Variants in CALCR observed in about 807,000 individuals in gnomAD.
The protein encoded by CALCR is calcitonin receptor.
CALCR carries 47 observed loss-of-function variants against 59.5 expected under a neutral mutation model. The ratio of observed to expected loss-of-function variants is 0.79; its 90% CI spans 0.63 to 1.01. The LOEUF (loss-of-function observed/expected upper bound fraction) is 1.01, where lower values mean the gene tolerates loss of function less well. Ranked by LOEUF, CALCR falls within the 50% of genes least tolerant of loss-of-function variation. CALCR has a pLI of 0.00. For synonymous variants in CALCR, 213 were observed against 211.3 expected (o/e 1.01, Z -0.07); for missense variants, 566 against 597.1 (o/e 0.95, Z 0.54).
At chr7:93,536,275 G>T (rs1347721128) in intron 2 of CALCR, among the ~76,000 whole-genome samples, 1 of 151,684 alleles carries the variant, frequency 6.6e-6, no homozygotes, top group Admixed American at 6.6e-5. Flanking sequence ...GGAAGTGAAT[G>T]GCATACTTTG....
At chr7:93,484,003 G>T (rs944129546) in intron 3 of CALCR, 1 of 518,882 alleles carries the variant, frequency 1.9e-6, no homozygotes, top group Non-Finnish European at 4.0e-6. Context: ...TCACACATAC[G>T]ACCACCAAGC....
intron 9 of CALCR, 70 bp downstream of exon 9, chr7:93,443,534 C>T (rs1799951659): frequency 7.0e-7 from 1 of 1,424,884 alleles, no homozygotes; most frequent in Admixed American, 1.9e-5. Flanking sequence ...GAGACCAAGA[C>T]TAGAAGAAGA....
At chr7:93,495,895 G>T in intron 2 of CALCR, 1 of 1,531,776 alleles carries the variant, frequency 6.5e-7, no homozygotes, top group Non-Finnish European at 8.7e-7. Context: ...TCCACAAATG[G>T]GCACTTGCCA....
intron 2 of CALCR, among the ~76,000 whole-genome samples, chr7:93,564,256 G>A (rs1366357877): frequency 6.6e-6 from 1 of 152,108 alleles, no homozygotes; most frequent in Non-Finnish European, 1.5e-5. Context: ...TGTGTGGGGG[G>A]GGACAGAGTG....
intron 5 of CALCR, among the ~76,000 whole-genome samples, chr7:93,476,028 T>C (rs1331048320): frequency 6.6e-6 from 1 of 151,820 alleles, no homozygotes; most frequent in Non-Finnish European, 1.5e-5. Context: ...CCCTAGAGAT[T>C]CAAATTCTAT....
chr7:93,512,915 T>C (rs1801576355), intron 2 of CALCR, among the ~76,000 whole-genome samples: 1 of 152,156 alleles, frequency 6.6e-6, no homozygotes, highest in African/African-American at 2.4e-5. Flanking sequence ...TTCCAACAAA[T>C]GATTATCGTA....
At chr7:93,468,852 A>ATTGTT in intron 6 of CALCR, 46 bp from the exon 7 acceptor site, 1 of 1,128,600 alleles carries the variant, frequency 8.9e-7, no homozygotes, top group Non-Finnish European at 1.3e-6. Context: ...TGAATGATTC[A>ATTGTT]TCAGAGAGAA....
chr7:93,479,253 C>A (rs1800738687), intron 4 of CALCR, 101 bp downstream of exon 4: 1 of 1,202,820 alleles, frequency 8.3e-7, no homozygotes, highest in South Asian at 1.6e-5. Context: ...GTGAAAACTG[C>A]TGGCATATTA....
At chr7:93,431,182 G>A (rs942525484) in intron 13 of CALCR, among the ~76,000 whole-genome samples, 5 of 152,192 alleles carry the variant, frequency 3.3e-5, no homozygotes, top group South Asian at 2.1e-4. Context: ...ATTTCCCTTC[G>A]TGGTGGGAGT....
intron 2 of CALCR, among the ~76,000 whole-genome samples, chr7:93,497,322 T>C (rs980736652): frequency 6.6e-6 from 1 of 151,694 alleles, no homozygotes; most frequent in African/African-American, 2.4e-5. Context: ...TCTTATAAAC[T>C]TAACCACTTT....
At chr7:93,539,087 A>G (rs2158044) in intron 2 of CALCR, among the ~76,000 whole-genome samples, 56,410 of 151,890 alleles carry the variant, frequency 0.37, 11,558 homozygotes, top group Non-Finnish European at 0.47. Flanking sequence ...ACATTATAAT[A>G]TGTTGATATG....
intron 2 of CALCR, among the ~76,000 whole-genome samples, chr7:93,550,790 T>A (rs1471129372): frequency 1.3e-5 from 2 of 152,192 alleles, no homozygotes; most frequent in Admixed American, 6.6e-5. Context: ...ACATGTGACC[T>A]TCTTGTTGTT....
rs535533624 is a variant in CALCR at position 93,467,836 on chromosome 7, T to C, written c.521+879A>G. On this transcript the variant is annotated intron_variant, in intron 7 of 13. Coordinates refer to ENST00000426151, the MANE Select transcript of CALCR (RefSeq NM_001742.4). ...TAATAATAATGATATCAAACACATATTTCACTTATTATGTGTCAGACATGA... is the reference window on the plus strand; with the variant it reads ...TAATAATAATGATATCAAACACATACTTCACTTATTATGTGTCAGACATGA... Among the ~76,000 whole-genome samples the C allele has an allele frequency of 5.9e-5, 9 of 151,758 alleles. No individual in the cohort carries two copies. The South Asian group carries it at 1.2e-3, about 21-fold the overall frequency.
chr7:93,556,358 T>C (rs944406838), intron 2 of CALCR, among the ~76,000 whole-genome samples: 4 of 152,300 alleles, frequency 2.6e-5, no homozygotes, highest in Non-Finnish European at 5.9e-5. Flanking sequence ...ACTGTTTGAG[T>C]TCAAATGTCT....
chr7:93,454,916 T>TTTGTGTGTG (rs1393217396), intron 8 of CALCR, among the ~76,000 whole-genome samples: 1 of 144,918 alleles, frequency 6.9e-6, no homozygotes, highest in African/African-American at 2.6e-5. Context: ...ACAGGGCATT[T>TTTGTGTGTG]TGTGTGTGTG....
chr7:93,506,425 G>C (rs1037562176), intron 2 of CALCR, among the ~76,000 whole-genome samples: 9 of 152,150 alleles, frequency 5.9e-5, no homozygotes, highest in African/African-American at 2.2e-4. Flanking sequence ...CCAACTCACA[G>C]TGACTTTAAG....
chr7:93,450,275 T>C (rs1800083459), intron 8 of CALCR, among the ~76,000 whole-genome samples: 1 of 151,980 alleles, frequency 6.6e-6, no homozygotes, highest in Admixed American at 6.6e-5. Flanking sequence ...CTGTCAGACC[T>C]CTTAAAGTAA....
Position 93,557,364 on chromosome 7 carries a change from C to A in CALCR, c.-27+16925G>T, listed in dbSNP as rs541135256. Among the ~76,000 whole-genome samples the A allele has an allele frequency of 4.9e-4, 74 of 151,756 alleles. 1 individual carries two copies. The South Asian group carries it at 0.012, about 25-fold the overall frequency. On this transcript the variant is annotated intron_variant, in intron 2 of 13. Transcript: ENST00000426151. ...TGTATACATTGTGGAATGGCTAAAT[C>A]AAGCTAATTAACATATACAAGAAAA...
intron 5 of CALCR, 125 bp downstream of exon 5, chr7:93,477,433 T>C (rs1800689100): frequency 1.7e-6 from 1 of 598,926 alleles, no homozygotes; most frequent in Non-Finnish European, 3.0e-6. Context: ...AAGGAAACAC[T>C]TCAGAAGTTG....
Sources: allele counts gnomAD v4.1 joint callset (sites outside exome capture counted in the v4.1 genomes callset), GRCh38; gene constraint gnomAD v4.1.1; transcripts MANE v1.5; gene names NCBI Gene and HGNC (gene_info 2026-07-23, HGNC 2026-07-21).